The following RAB27A variants were observed in gnomAD, a reference collection of about 807,000 sequenced individuals.
RAB27A encodes RAB27A, member RAS oncogene family, also known as ras-related protein Rab-27A.
Under a neutral mutation model 20.8 loss-of-function variants are expected in RAB27A, and 17 were observed. That is an observed-to-expected ratio of 0.82 (90% CI 0.56 to 1.23). RAB27A has a LOEUF of 1.23. RAB27A is among the 50% of genes most tolerant of loss of function. The pLI, the probability that RAB27A is intolerant of heterozygous loss-of-function variation, is 0.00. For synonymous variants in RAB27A, 85 were observed against 92.8 expected (o/e 0.92, Z 0.48); for missense variants, 277 against 266.7 (o/e 1.04, Z -0.27).
chr15:55,306,755 C>T (rs745973755), intron 2 of RAB27A, among the ~76,000 whole-genome samples: 4 of 152,116 alleles, frequency 2.6e-5, no homozygotes, highest in East Asian at 1.9e-4. Context: ...ATGTCTGGGA[C>T]GCCGCATTCT....
chr15:55,217,966 GA>G (rs1291667604), intron 6 of RAB27A, among the ~76,000 whole-genome samples: 1 of 152,176 alleles, frequency 6.6e-6, no homozygotes, highest in Admixed American at 6.5e-5. Flanking sequence ...AAATCAATGA[GA>G]GGGGCATAAG....
chr15:55,279,317 A>C (rs1897954956), intron 1 of RAB27A, among the ~76,000 whole-genome samples: 2 of 152,232 alleles, frequency 1.3e-5, no homozygotes, highest in African/African-American at 2.4e-5. Context: ...AGGGCAGGTG[A>C]AAATGGATCC....
chr15:55,295,478 T>C (rs1288291537), intron 2 of RAB27A, among the ~76,000 whole-genome samples: 1 of 152,160 alleles, frequency 6.6e-6, no homozygotes, highest in African/African-American at 2.4e-5. Flanking sequence ...ATAAACAAAA[T>C]GTGGCACATC....
intron 2 of RAB27A, among the ~76,000 whole-genome samples, chr15:55,302,971 C>G (rs1340465455): frequency 8.7e-6 from 1 of 114,724 alleles, no homozygotes; most frequent in African/African-American, 5.4e-5. Context: ...CCACCCCGTC[C>G]AAGAGGGAGG....
At chr15:55,308,374 G>A (rs1161784856) in intron 2 of RAB27A, among the ~76,000 whole-genome samples, 2 of 152,220 alleles carry the variant, frequency 1.3e-5, no homozygotes, top group South Asian at 2.1e-4. Flanking sequence ...CTTAGAGTCT[G>A]TATATATATT....
intron 6 of RAB27A, among the ~76,000 whole-genome samples, chr15:55,207,757 A>C (rs1428886205): frequency 6.6e-6 from 1 of 152,136 alleles, no homozygotes; most frequent in Non-Finnish European, 1.5e-5. Flanking sequence ...ATATTGGCTC[A>C]TTGCAACCTC....
At chr15:55,218,278 G>A (rs1356294670) in intron 6 of RAB27A, among the ~76,000 whole-genome samples, 1 of 152,232 alleles carries the variant, frequency 6.6e-6, no homozygotes, top group Non-Finnish European at 1.5e-5. Context: ...CTGACTGTTT[G>A]AACCTGGGAT....
At chr15:55,229,539 G>T (rs1895949309) in intron 4 of RAB27A, among the ~76,000 whole-genome samples, 1 of 151,984 alleles carries the variant, frequency 6.6e-6, no homozygotes, top group Non-Finnish European at 1.5e-5. Flanking sequence ...GCTGTGTGTA[G>T]TGGTGCACAT....
At chr15:55,299,470 T>C (rs1431371684) in intron 2 of RAB27A, among the ~76,000 whole-genome samples, 2 of 151,968 alleles carry the variant, frequency 1.3e-5, no homozygotes, top group Non-Finnish European at 2.9e-5. Flanking sequence ...GGCTCACACC[T>C]GTAATCCCAG....
intron 1 of RAB27A, chr15:55,317,723 T>C: frequency 2.5e-6 from 1 of 398,564 alleles, no homozygotes; most frequent in Non-Finnish European, 4.4e-6. Context: ...GGTTGAAAAA[T>C]ATATACTCCT....
chr15:55,288,443 C>T (rs180919540), intron 1 of RAB27A, among the ~76,000 whole-genome samples: 49 of 152,222 alleles, frequency 3.2e-4, no homozygotes, highest in African/African-American at 1.1e-3. Flanking sequence ...ATCACTTCAA[C>T]CCAGGAAGCG....
At position 55,204,501 on chromosome 15, in the gene RAB27A, C is replaced by G. The variant is rs1403123771; in HGVS notation, c.*1006G>C. The stretch of plus-strand genomic sequence containing the variant: ...TAAAAACTAATTATTTCAATTCCAC[C>G]AATGGAAAAGCAAAACAAGTTGCAA... On this transcript the variant is annotated 3_prime_UTR_variant, in exon 7 of 7. Coordinates refer to ENST00000336787, the MANE Select transcript of RAB27A (RefSeq NM_183235.3). 3 of 152,098 alleles carry G rather than the reference C, an allele frequency of 2.0e-5. No homozygotes were observed. The highest frequency in any genetic ancestry group is 4.4e-5 in the Non-Finnish European group (3 of 68,034). The allele number at this position is 152,098 out of a possible 1,614,324, so 9.4% of individuals were successfully genotyped here.
intron 6 of RAB27A, among the ~76,000 whole-genome samples, chr15:55,216,946 T>C (rs977017597): frequency 6.6e-6 from 1 of 152,232 alleles, no homozygotes; most frequent in Non-Finnish European, 1.5e-5. Context: ...AGCTGTGAGC[T>C]ACTGTCCAAT....
chr15:55,246,023 C>T (rs931017774), intron 2 of RAB27A, among the ~76,000 whole-genome samples: 9 of 151,680 alleles, frequency 5.9e-5, no homozygotes, highest in Admixed American at 2.6e-4. Flanking sequence ...GGTTCACGGG[C>T]GATAATGCCA....
At position 55,228,644 on chromosome 15, in the gene RAB27A, T is replaced by C. The variant is rs1895906841; in HGVS notation, c.308A>G (p.Asn103Ser). 3.7e-6 allele frequency: 6 copies of C among 1,613,184 alleles called. No homozygotes were observed. Among genetic ancestry groups the C allele is most frequent in the Non-Finnish European group, 5.1e-6 (6 of 1,179,112 alleles). Residue 103 changes from asparagine (N) to serine (S), a missense_variant, in exon 5 of 7, where the codon AAT (asparagine) becomes AGT (serine). Transcript: ENST00000336787. ...TCTGACATTGAGGAAACTTTGCTCA[T>C]TTGTCAGATCAAAAAGTAGAAGAAA... ...MGFLLLFDLT[N>S]EQSFLNVRNW...
intron 2 of RAB27A, among the ~76,000 whole-genome samples, chr15:55,307,629 G>A (rs548314338): frequency 1.8e-3 from 278 of 151,738 alleles, no homozygotes; most frequent in African/African-American, 6.3e-3. Context: ...TTACCTCTTG[G>A]AACTTTTCTG....
At chr15:55,309,191 A>G (rs1393381819) in intron 2 of RAB27A, among the ~76,000 whole-genome samples, 1 of 152,208 alleles carries the variant, frequency 6.6e-6, no homozygotes, top group Non-Finnish European at 1.5e-5. Context: ...GTACCTGGGA[A>G]TCCATATTCG....
intron 2 of RAB27A, among the ~76,000 whole-genome samples, chr15:55,251,451 G>A (rs1236451191): frequency 1.3e-5 from 2 of 152,098 alleles, no homozygotes; most frequent in Non-Finnish European, 2.9e-5. Flanking sequence ...TCCTTAAAGG[G>A]GCAAGAGAGA....
intron 6 of RAB27A, among the ~76,000 whole-genome samples, chr15:55,220,911 ACT>A (rs1450604632): frequency 6.6e-6 from 1 of 152,024 alleles, no homozygotes; most frequent in Non-Finnish European, 1.5e-5. Flanking sequence ...ATCCTAAGGG[ACT>A]CTGTTTCTAG....
Sources: allele counts gnomAD v4.1 joint callset (sites outside exome capture counted in the v4.1 genomes callset), GRCh38; gene constraint gnomAD v4.1.1; transcripts MANE v1.5; gene names NCBI Gene and HGNC (gene_info 2026-07-23, HGNC 2026-07-21).